The following CHD1L variants were observed in gnomAD, a reference collection of about 807,000 sequenced individuals.
CHD1L encodes the protein chromodomain helicase DNA binding protein 1 like.
A neutral mutation model predicts 115.9 loss-of-function variants in CHD1L; 118 were observed. The ratio of observed to expected loss-of-function variants is 1.02; its 90% CI spans 0.88 to 1.19. CHD1L has a LOEUF of 1.19. Among genes scored for constraint, CHD1L ranks in the 50% most tolerant of loss-of-function variants. The pLI is 0.00. For missense variants in CHD1L, 1,179 were observed against 1,065.3 expected, an observed-to-expected ratio of 1.11 and a Z score of -1.49; for synonymous variants, 411 against 387.1, an observed-to-expected ratio of 1.06 and a Z score of -0.72.
intron 13 of CHD1L, among the ~76,000 whole-genome samples, chr1:147,275,732 T>A (rs974841557): frequency 3.3e-5 from 5 of 149,550 alleles, no homozygotes; most frequent in Non-Finnish European, 7.4e-5. Flanking sequence ...CTTCTTGAGT[T>A]AGGGTCTGAC....
At chr1:147,259,417 A>G (rs1671185182) in intron 5 of CHD1L, 1 of 153,818 alleles carries the variant, frequency 6.5e-6, no homozygotes, top group East Asian at 1.9e-4. Flanking sequence ...CTCTGTCTTT[A>G]TGACCTTCAC....
At chr1:147,210,941 C>T in the CHD1L span, 10 of 152,100 alleles carry the variant, frequency 6.6e-5, no homozygotes, top group African/African-American at 1.7e-4. Context: ...AAGAATTATA[C>T]GAAAAACTTC....
chr1:147,249,404 A>ATTTTTTTTTTTTTTTTT (rs59773572), intron 1 of CHD1L, among the ~76,000 whole-genome samples: 2 of 94,170 alleles, frequency 2.1e-5, no homozygotes, highest in African/African-American at 4.4e-5. Flanking sequence ...CTTGGTGTGT[A>ATTTTTTTTTTTTTTTTT]TTTTTTTTTT....
At chr1:147,179,272 G>T in the CHD1L span, 1 of 1,610,540 alleles carries the variant, frequency 6.2e-7, no homozygotes, top group Non-Finnish European at 8.5e-7. Flanking sequence ...AGAGAATTTT[G>T]ATGAAATAGT....
At chr1:147,274,103 A>T (rs1394531322) in intron 12 of CHD1L, among the ~76,000 whole-genome samples, 2 of 152,226 alleles carry the variant, frequency 1.3e-5, no homozygotes, top group African/African-American at 4.8e-5. Flanking sequence ...CGGGCTCTGG[A>T]CCAAGACTGC....
chr1:147,259,852 T>A lies in CHD1L; in HGVS notation c.510T>A (p.Val170=). ...ASFLKSFPWS[V]LVVDEAHRLK... The stretch of plus-strand genomic sequence containing the variant: ...TCTCTCACAGATTCCCTTGGAGTGT[T>A]CTTGTTGTGGATGAAGCTCACAGGT... The change falls in exon 6 of 23, where the codon GTT becomes GTA. Residue 170 remains valine, a synonymous_variant. Coordinates refer to ENST00000369258, the MANE Select transcript of CHD1L (RefSeq NM_004284.6). 1 of 1,613,848 alleles carries A rather than the reference T, an allele frequency of 6.2e-7. No homozygotes were observed. Among genetic ancestry groups the A allele is most frequent in the South Asian group, 1.1e-5 (1 of 91,058 alleles).
At chr1:147,179,340 T>C in the CHD1L span, 5 of 1,603,598 alleles carry the variant, frequency 3.1e-6, no homozygotes, top group African/African-American at 6.7e-5. Context: ...GTGGTCACTG[T>C]AAGAACCTGG....
chr1:147,272,286 G>T lies in CHD1L; in HGVS notation c.1270+5G>T. The stretch of plus-strand genomic sequence containing the variant: ...TTCTCCTGAGTACTAGGGCAGGTAG[G>T]CTGCAAAGGCATTGATGGAAACAGA... On this transcript the variant is annotated splice_donor_5th_base_variant and intron_variant, in intron 12 of 22. Transcript: ENST00000369258. 1.3e-6 allele frequency: 2 copies of T among 1,587,636 alleles called. No homozygotes were observed. Among genetic ancestry groups the T allele is most frequent in the Non-Finnish European group, 1.7e-6 (2 of 1,155,828 alleles).
intron 15 of CHD1L, among the ~76,000 whole-genome samples, chr1:147,281,758 T>A (rs1295851581): frequency 6.6e-6 from 1 of 151,964 alleles, no homozygotes; most frequent in African/African-American, 2.4e-5. Flanking sequence ...GTATTTCTCT[T>A]CCCATTGCAT....
intron 2 of CHD1L, among the ~76,000 whole-genome samples, chr1:147,253,380 C>A (rs1669024580): frequency 6.6e-6 from 1 of 152,184 alleles, no homozygotes; most frequent in African/African-American, 2.4e-5. Context: ...TGGTTCCTGG[C>A]ACAGCTTGGG....
chr1:147,220,949 A>AG, the CHD1L span, among the ~76,000 whole-genome samples: 1 of 151,810 alleles, frequency 6.6e-6, no homozygotes, highest in Admixed American at 6.6e-5. Context: ...GTTTCCAAAA[A>AG]AAAAAAAAAA....
upstream of CHD1L, among the ~76,000 whole-genome samples, chr1:147,242,415 T>C (rs1240111540): frequency 6.6e-6 from 1 of 152,214 alleles, no homozygotes; most frequent in East Asian, 1.9e-4. Flanking sequence ...TGCCACCTCC[T>C]TGACGGGCAG....
At chr1:147,218,414 T>C in the CHD1L span, among the ~76,000 whole-genome samples, 21,769 of 122,556 alleles carry the variant, frequency 0.18, 1,535 homozygotes, top group East Asian at 0.3. Context: ...TTTTTTTGTG[T>C]TTTTAGTAGA....
At chr1:147,284,716 T>C (rs587752745) in intron 16 of CHD1L, among the ~76,000 whole-genome samples, 1 of 152,320 alleles carries the variant, frequency 6.6e-6, no homozygotes, top group Admixed American at 6.5e-5. Context: ...TATTGTACGA[T>C]GTCATGTAGG....
chr1:147,268,692 T>G (rs1674928576), intron 9 of CHD1L, 90 bp from the exon 10 acceptor site: 41 of 955,848 alleles, frequency 4.3e-5, no homozygotes, highest in Non-Finnish European at 6.6e-5. Flanking sequence ...ACTTATATGA[T>G]GAGCTTTTGG....
chr1:147,223,006 T>C, the CHD1L span, among the ~76,000 whole-genome samples: 6 of 152,220 alleles, frequency 3.9e-5, no homozygotes. Context: ...CTGTTGTAAG[T>C]GATTGGCATA....
chr1:147,257,520 T>C (rs1368944934), intron 5 of CHD1L, among the ~76,000 whole-genome samples: 1 of 152,144 alleles, frequency 6.6e-6, no homozygotes, highest in East Asian at 1.9e-4. Context: ...CTGAGAGTTA[T>C]TGGCAATATC....
the CHD1L span, chr1:147,201,284 A>G: frequency 6.2e-7 from 1 of 1,614,126 alleles, no homozygotes; most frequent in African/African-American, 1.3e-5. Flanking sequence ...TTATACAGGG[A>G]TATCTTGTTT....
chr1:147,196,990 T>C, the CHD1L span, among the ~76,000 whole-genome samples: 1 of 152,172 alleles, frequency 6.6e-6, no homozygotes, highest in South Asian at 2.1e-4. Context: ...TTCACTCCTC[T>C]CTAACATATC....
Sources: allele counts gnomAD v4.1 joint callset (sites outside exome capture counted in the v4.1 genomes callset), GRCh38; gene constraint gnomAD v4.1.1; transcripts MANE v1.5; gene names NCBI Gene and HGNC (gene_info 2026-07-23, HGNC 2026-07-21).